The following CPNE4 variants were observed in gnomAD, a reference collection of about 807,000 sequenced individuals.
CPNE4 encodes the protein copine-4.
In CPNE4, 25 loss-of-function variants were observed where a neutral mutation model predicts 67.9. The ratio of observed to expected loss-of-function variants is 0.37; its 90% CI spans 0.27 to 0.51. CPNE4 has a LOEUF of 0.51. Among genes scored for constraint, CPNE4 ranks in the 20% least tolerant of loss-of-function variants. CPNE4 has a pLI of 0.93. For missense variants in CPNE4, 464 were observed against 690.8 expected (o/e 0.67, Z 3.68); for synonymous variants, 242 against 244.9 (o/e 0.99, Z 0.11).
intron 7 of CPNE4, among the ~76,000 whole-genome samples, chr3:131,655,848 T>C (rs186112255): frequency 1.6e-3 from 238 of 152,322 alleles, no homozygotes; most frequent in Non-Finnish European, 2.7e-3. Context: ...TTATCATGGT[T>C]AGTACTAGAC....
chr3:131,698,004 G>A (rs959750693), intron 4 of CPNE4, among the ~76,000 whole-genome samples: 1 of 151,836 alleles, frequency 6.6e-6, no homozygotes, highest in African/African-American at 2.4e-5. Context: ...AGGTGAGGCG[G>A]GCGGATCACG....
chr3:131,831,776 C>A (rs967760273), intron 2 of CPNE4, among the ~76,000 whole-genome samples: 1 of 152,086 alleles, frequency 6.6e-6, no homozygotes, highest in South Asian at 2.1e-4. Context: ...GTGGTTAGTG[C>A]GGACTTTGTC....
Position 131,623,664 on chromosome 3 carries a change from C to G in CPNE4, c.682-36082G>C, listed in dbSNP as rs540101162. Among the ~76,000 whole-genome samples the G allele has an allele frequency of 2.6e-5, 4 of 152,342 alleles. No homozygotes were observed. In the South Asian group the frequency reaches 8.3e-4, roughly 32 times the overall value. ...AAATCCTGGTGTGGAGCAGTGTGAT[C>G]TGTGGATCAGCAGCATAGCGGTCAC... On this transcript the variant is annotated intron_variant, in intron 7 of 15. Coordinates refer to ENST00000429747, the MANE Select transcript of CPNE4 (RefSeq NM_130808.3).
chr3:131,627,971 T>C (rs1309413374), intron 7 of CPNE4, among the ~76,000 whole-genome samples: 2 of 152,210 alleles, frequency 1.3e-5, no homozygotes, highest in African/African-American at 4.8e-5. Context: ...TATATAAAAT[T>C]AGTTGATAAA....
chr3:131,639,632 A>G (rs1296015950), intron 7 of CPNE4, among the ~76,000 whole-genome samples: 1 of 152,126 alleles, frequency 6.6e-6, no homozygotes, highest in Non-Finnish European at 1.5e-5. Flanking sequence ...ACAGAGAAAG[A>G]AGGAATCCTT....
intron 2 of CPNE4, among the ~76,000 whole-genome samples, chr3:131,879,523 C>G (rs899374156): frequency 6.6e-6 from 1 of 152,160 alleles, no homozygotes; most frequent in Admixed American, 6.5e-5. Flanking sequence ...CCCTCAGAAA[C>G]TGTCCCCCAC....
At chr3:131,896,740 T>C (rs377683849) in intron 2 of CPNE4, among the ~76,000 whole-genome samples, 3 of 152,228 alleles carry the variant, frequency 2.0e-5, no homozygotes, top group Admixed American at 2.0e-4. Flanking sequence ...TTGTACTTGA[T>C]ACCTCCTGGT....
chr3:131,612,203 A>G (rs1250107404), intron 7 of CPNE4, among the ~76,000 whole-genome samples: 5 of 152,086 alleles, frequency 3.3e-5, no homozygotes, highest in Non-Finnish European at 7.4e-5. Flanking sequence ...GTGAAACCCC[A>G]TGTCTACTAG....
intron 1 of CPNE4, among the ~76,000 whole-genome samples, chr3:131,906,350 C>T (rs1364511148): frequency 6.6e-6 from 1 of 150,698 alleles, no homozygotes; most frequent in African/African-American, 2.4e-5. Flanking sequence ...TGTGCTGCAC[C>T]CATTAACTCA....
intron 2 of CPNE4, among the ~76,000 whole-genome samples, chr3:131,801,371 CCATAT>C (rs1483299113): frequency 3.1e-5 from 3 of 95,928 alleles, no homozygotes; most frequent in Admixed American, 1.3e-4. Flanking sequence ...TATATATGTA[CCATAT>C]ATATATATAT....
intron 1 of CPNE4, among the ~76,000 whole-genome samples, chr3:132,006,978 G>A (rs907783383): frequency 1.3e-5 from 2 of 152,136 alleles, no homozygotes; most frequent in African/African-American, 2.4e-5. Flanking sequence ...CTGAGCCTCT[G>A]CTATAATAAA....
chr3:131,651,416 GA>G (rs759488621), intron 7 of CPNE4, among the ~76,000 whole-genome samples: 17 of 152,278 alleles, frequency 1.1e-4, no homozygotes, highest in Non-Finnish European at 5.9e-5. Context: ...TTTCATTACT[GA>G]AGATGATAGA....
intron 6 of CPNE4, among the ~76,000 whole-genome samples, chr3:131,675,912 T>C (rs1355404131): frequency 6.6e-6 from 1 of 151,376 alleles, no homozygotes; most frequent in Admixed American, 6.6e-5. Context: ...GTGTTCCTTA[T>C]AGTGAAGGTA....
intron 1 of CPNE4, among the ~76,000 whole-genome samples, chr3:131,944,848 A>C (rs1285866249): frequency 6.6e-6 from 1 of 152,152 alleles, no homozygotes; most frequent in African/African-American, 2.4e-5. Context: ...CATTTCTCTG[A>C]GATGTGCCAA....
intron 1 of CPNE4, among the ~76,000 whole-genome samples, chr3:132,021,615 T>C (rs988961803): frequency 1.3e-5 from 2 of 152,190 alleles, no homozygotes; most frequent in African/African-American, 2.4e-5. Context: ...ACTTTATTTA[T>C]GAAAAAAGTG....
chr3:131,596,621 CAAAAAAAAAAAA>C (rs58456346), intron 7 of CPNE4, among the ~76,000 whole-genome samples: 16 of 32,980 alleles, frequency 4.9e-4, no homozygotes, highest in Admixed American at 1.1e-3. Context: ...GACTCCGTCT[CAAAAAAAAAAAA>C]AAAAAAAAAA....
chr3:131,840,932 C>T (rs557084506), intron 2 of CPNE4, among the ~76,000 whole-genome samples: 1 of 152,140 alleles, frequency 6.6e-6, no homozygotes, highest in Non-Finnish European at 1.5e-5. Context: ...CTCTCTCCCT[C>T]CTGCCTGCAC....
chr3:131,925,946 A>G (rs942290739), intron 1 of CPNE4, among the ~76,000 whole-genome samples: 2 of 152,346 alleles, frequency 1.3e-5, no homozygotes, highest in African/African-American at 4.8e-5. Flanking sequence ...GGAGAGTGAG[A>G]AAGTCAGAAA....
At chr3:132,030,554 T>G (rs2107702479) in intron 1 of CPNE4, among the ~76,000 whole-genome samples, 1 of 152,284 alleles carries the variant, frequency 6.6e-6, no homozygotes, top group African/African-American at 2.4e-5. Flanking sequence ...GAATAAACTT[T>G]CCCAAAGAAG....
Sources: allele counts gnomAD v4.1 joint callset (sites outside exome capture counted in the v4.1 genomes callset), GRCh38; gene constraint gnomAD v4.1.1; transcripts MANE v1.5; gene names NCBI Gene and HGNC (gene_info 2026-07-23, HGNC 2026-07-21).